The following SPIDR variants were observed in gnomAD, a reference collection of about 807,000 sequenced individuals.
SPIDR encodes DNA repair-scaffolding protein.
Under a neutral mutation model 104.6 loss-of-function variants are expected in SPIDR, and 93 were observed. The observed-to-expected ratio is 0.89, with a 90% confidence interval of 0.75 to 1.06. The LOEUF is 1.06. SPIDR is among the 50% of genes least tolerant of loss of function. The pLI is 0.00. For missense variants in SPIDR, 1,154 were observed against 1,111.2 expected, an observed-to-expected ratio of 1.04 and a Z score of -0.55; for synonymous variants, 431 against 416.9, an observed-to-expected ratio of 1.03 and a Z score of -0.41.
intron 8 of SPIDR, among the ~76,000 whole-genome samples, chr8:47,470,107 A>C (rs2075459405): frequency 1.3e-5 from 2 of 152,284 alleles, no homozygotes; most frequent in African/African-American, 4.8e-5. Context: ...AATTTTGAAA[A>C]GGAAGAGCAA....
At chr8:47,403,353 AG>A (rs1672919020) in intron 6 of SPIDR, among the ~76,000 whole-genome samples, 2 of 152,220 alleles carry the variant, frequency 1.3e-5, no homozygotes, top group South Asian at 4.1e-4. Context: ...AGTTCTGGCC[AG>A]GGCAATCAGG....
intron 8 of SPIDR, among the ~76,000 whole-genome samples, chr8:47,504,061 G>C (rs1230472721): frequency 6.6e-6 from 1 of 152,144 alleles, no homozygotes; most frequent in Non-Finnish European, 1.5e-5. Flanking sequence ...TCTGGGTGCT[G>C]TTAACGTTTT....
intron 10 of SPIDR, among the ~76,000 whole-genome samples, chr8:47,631,707 A>T (rs1248783943): frequency 6.6e-6 from 1 of 152,246 alleles, no homozygotes; most frequent in Non-Finnish European, 1.5e-5. Context: ...GAATCAACAT[A>T]CAAATTACAA....
In SPIDR at chr8:47,686,020, G is replaced by C. The variant is rs1376367662; in HGVS notation, c.1685+12079G>C. On this transcript the variant is annotated intron_variant, in intron 11 of 19. Transcript: ENST00000297423. ...AAGGAAAGGGAGGGAGGGAAGGAAGGAAGCAAGGAGGAGAGAGAAGGGAAG... is the reference window on the plus strand; with the variant it reads ...AAGGAAAGGGAGGGAGGGAAGGAAGCAAGCAAGGAGGAGAGAGAAGGGAAG... Among the ~76,000 whole-genome samples the C allele has an allele frequency of 3.3e-5, 5 of 152,216 alleles. No homozygotes were observed. In the East Asian group the frequency reaches 9.7e-4, roughly 30 times the overall value.
intron 5 of SPIDR, among the ~76,000 whole-genome samples, chr8:47,395,028 A>G (rs2061092842): frequency 6.6e-6 from 1 of 152,238 alleles, no homozygotes; most frequent in East Asian, 1.9e-4. Flanking sequence ...CGAGGTATGG[A>G]GATGGATGGT....
In SPIDR at chr8:47,701,977, T is replaced by TG. The variant is rs2080251294; in HGVS notation, c.1940dup (p.Cys647TrpfsTer61). 2 of 1,614,006 alleles carry TG rather than the reference T, an allele frequency of 1.2e-6. No homozygotes were observed. The highest frequency in any genetic ancestry group is 4.5e-5 in the East Asian group (2 of 44,878). On this transcript the variant is annotated frameshift_variant, in exon 14 of 20. Transcript: ENST00000297423. LOFTEE classifies it high-confidence loss of function. The stretch of plus-strand genomic sequence containing the variant: ...CCAGATGAATGATCTTGGTACCCGT[T>TG]GCAGTTTCTATGCCACGGTGATTTA...
chr8:47,552,715 A>G (rs1253442270), intron 8 of SPIDR, among the ~76,000 whole-genome samples: 1 of 152,024 alleles, frequency 6.6e-6, no homozygotes. Context: ...TCTTTATCCA[A>G]TTTGCCAGTC....
intron 5 of SPIDR, among the ~76,000 whole-genome samples, chr8:47,326,309 C>CT (rs1420493223): frequency 3.9e-5 from 6 of 152,214 alleles, no homozygotes; most frequent in Non-Finnish European, 8.8e-5. Context: ...GCCACCACAC[C>CT]TAATTTCTTT....
chr8:47,579,285 G>A (rs770844447), intron 8 of SPIDR, among the ~76,000 whole-genome samples: 7 of 152,174 alleles, frequency 4.6e-5, no homozygotes, highest in East Asian at 1.9e-4. Flanking sequence ...CTGAGATATC[G>A]TAGCCCTTTT....
At chr8:47,293,551 A>T (rs2040317089) in intron 4 of SPIDR, among the ~76,000 whole-genome samples, 1 of 152,134 alleles carries the variant, frequency 6.6e-6, no homozygotes, top group Non-Finnish European at 1.5e-5. Context: ...GGTTCAAGCG[A>T]TTCTGGTGCC....
At chr8:47,658,686 G>A (rs7461508) in intron 10 of SPIDR, among the ~76,000 whole-genome samples, 3 of 151,978 alleles carry the variant, frequency 2.0e-5, no homozygotes, top group Non-Finnish European at 2.9e-5. Flanking sequence ...TGTAATCCCA[G>A]CACTTTGGGA....
At chr8:47,622,248 A>G (rs920937636) in intron 10 of SPIDR, among the ~76,000 whole-genome samples, 1 of 152,176 alleles carries the variant, frequency 6.6e-6, no homozygotes, top group Non-Finnish European at 1.5e-5. Context: ...GGAAAACAAA[A>G]AGGTCTAAAG....
At chr8:47,629,947 C>G (rs1027721597) in intron 10 of SPIDR, among the ~76,000 whole-genome samples, 2 of 152,180 alleles carry the variant, frequency 1.3e-5, no homozygotes, top group African/African-American at 4.8e-5. Context: ...TACTGCACAT[C>G]AAAATAATAC....
At chr8:47,560,726 C>A (rs2154401193) in intron 8 of SPIDR, among the ~76,000 whole-genome samples, 1 of 152,134 alleles carries the variant, frequency 6.6e-6, no homozygotes, top group Admixed American at 6.5e-5. Context: ...ACTTCTTTTG[C>A]CTTGCTGTTC....
At chr8:47,272,353 C>G (rs2035512501) in intron 1 of SPIDR, among the ~76,000 whole-genome samples, 2 of 152,066 alleles carry the variant, frequency 1.3e-5, no homozygotes, top group South Asian at 4.1e-4. Context: ...TTCTCCCATC[C>G]CCTCCCCAGG....
intron 7 of SPIDR, among the ~76,000 whole-genome samples, chr8:47,423,632 G>A (rs1376954452): frequency 6.6e-6 from 1 of 152,106 alleles, no homozygotes. Context: ...AAATAAAAGA[G>A]CAGCAAAAAG....
At chr8:47,292,932 GC>G (rs1370625448) in intron 4 of SPIDR, among the ~76,000 whole-genome samples, 3 of 152,222 alleles carry the variant, frequency 2.0e-5, no homozygotes, top group African/African-American at 7.2e-5. Flanking sequence ...GATACCGGCA[GC>G]GGCTCTGAGG....
intron 8 of SPIDR, among the ~76,000 whole-genome samples, chr8:47,552,105 T>A (rs1328683077): frequency 6.6e-6 from 1 of 152,170 alleles, no homozygotes; most frequent in African/African-American, 2.4e-5. Flanking sequence ...TAATCCTGAG[T>A]TCTAGTTTGA....
chr8:47,308,879 T>C (rs1554583152), intron 5 of SPIDR, among the ~76,000 whole-genome samples: 1 of 152,268 alleles, frequency 6.6e-6, no homozygotes, highest in East Asian at 1.9e-4. Flanking sequence ...GGCAAATGGA[T>C]AGCTGCTACT....
Sources: allele counts gnomAD v4.1 joint callset (sites outside exome capture counted in the v4.1 genomes callset), GRCh38; gene constraint gnomAD v4.1.1; transcripts MANE v1.5; gene names NCBI Gene and HGNC (gene_info 2026-07-23, HGNC 2026-07-21).